Variants in CENPI observed in about 807,000 individuals in gnomAD.
The protein encoded by CENPI is FSH primary response 1.
CENPI carries 4 observed loss-of-function variants against 60.4 expected under a neutral mutation model. That is an observed-to-expected ratio of 0.07 (90% CI 0.03 to 0.15). The LOEUF is 0.15. Among genes scored for constraint, CENPI ranks in the 10% least tolerant of loss-of-function variants. The probability of loss-of-function intolerance (pLI) is 1.00; values close to 1 mark genes in which losing one functional copy is unlikely to be tolerated. For synonymous variants in CENPI, 157 were observed against 189.4 expected, an observed-to-expected ratio of 0.83 and a Z score of 1.40; for missense variants, 444 against 534.5, an observed-to-expected ratio of 0.83 and a Z score of 1.67.
Position 101,130,019 on chromosome X carries a change from A to G in CENPI, c.1233A>G (p.Gly411=). The change falls in exon 13 of 22, where the codon GGA becomes GGG. Residue 411 remains glycine (G), a synonymous_variant. Transcript: ENST00000682095. ...IWYKVNNYEH[G]KEFTNFLDTI... ...ACAAGGTGAATAATTATGAACATGGAAAAGAATTTACCAACTTCCTGGATA... is the reference window on the plus strand; with the variant it reads ...ACAAGGTGAATAATTATGAACATGGGAAAGAATTTACCAACTTCCTGGATA... The G allele has an allele frequency of 1.7e-6, 2 of 1,204,872 alleles. No individual in the cohort carries two copies. Among genetic ancestry groups the G allele is most frequent in the Non-Finnish European group, 2.2e-6 (2 of 889,257 alleles).
Position 101,115,027 on chromosome X carries a change from G to A in CENPI, c.591+5029G>A, listed in dbSNP as rs190897433. Among the ~76,000 whole-genome samples, 12 of 105,559 alleles carry A rather than the reference G, an allele frequency of 1.1e-4. No homozygotes were observed. In the Admixed American group the frequency reaches 1.2e-3, roughly 11 times the overall value. 91.7% of individuals were successfully genotyped at this position (105,559 alleles called of 115,157 possible). ...CACCCAGGCTGGAGTGCAATGACGC[G>A]ATCTCAGCTCACTGCAACGTCCACC... On this transcript the variant is annotated intron_variant, in intron 6 of 21. Coordinates refer to ENST00000682095, the MANE Select transcript of CENPI (RefSeq NM_001386188.2).
intron 18 of CENPI, among the ~76,000 whole-genome samples, chrX:101,147,376 C>T (rs1218842990): frequency 1.8e-5 from 2 of 110,284 alleles, no homozygotes; most frequent in Admixed American, 9.8e-5. Context: ...CAATGCTCTT[C>T]CTCCCCTTGA....
chrX:101,160,715 T>C (rs754982594), intron 20 of CENPI, among the ~76,000 whole-genome samples: 1 of 111,381 alleles, frequency 9.0e-6, no homozygotes, highest in South Asian at 3.8e-4. Flanking sequence ...AAGAAATGCA[T>C]TGTGTATTTC....
At chrX:101,106,385 T>G (rs2089483164) in intron 4 of CENPI, among the ~76,000 whole-genome samples, 1 of 109,860 alleles carries the variant, frequency 9.1e-6, no homozygotes, top group Admixed American at 9.9e-5. Flanking sequence ...GAAATTGAGA[T>G]AGGATATATT....
chrX:101,136,857 G>A (rs1160241890), intron 15 of CENPI, among the ~76,000 whole-genome samples: 1 of 111,897 alleles, frequency 8.9e-6, no homozygotes, highest in Non-Finnish European at 1.9e-5. Flanking sequence ...ACATAATGTT[G>A]TTAATAGTGG....
rs869245080 is a variant in CENPI, at chrX:101,109,075, G to GTTTT, written c.365-378_365-375dup. On this transcript the variant is annotated intron_variant, in intron 4 of 21. Transcript: ENST00000682095. ...CCTTCAATATAACGTGAGGTGTGGT[G>GTTTT]TTTTTTTTTTTTTTTTTTTTTTTGA... Among the ~76,000 whole-genome samples, 63 of 47,305 alleles carry GTTTT rather than the reference G, an allele frequency of 1.3e-3. 1 individual carries two copies. Among genetic ancestry groups the GTTTT allele is most frequent in the Non-Finnish European group, 1.5e-3 (39 of 26,276 alleles). 41.1% of individuals were successfully genotyped at this position (47,305 alleles called of 115,157 possible).
chrX:101,151,695 G>A (rs1021204852), intron 20 of CENPI, among the ~76,000 whole-genome samples: 4 of 109,063 alleles, frequency 3.7e-5, no homozygotes, highest in African/African-American at 6.7e-5. Flanking sequence ...TTAGCCGGGC[G>A]TGGTGGCACG....
At position 101,127,172 on chromosome X, in the gene CENPI, C is replaced by T. The variant is rs781447694; in HGVS notation, c.812C>T (p.Thr271Met). Residue 271 changes from threonine (T) to methionine (M), a missense_variant, in exon 10 of 22, where the codon ACG (threonine) becomes ATG (methionine). Transcript: ENST00000682095. ...YFKNSENLWKTALLAVKQRNR... is the reference protein window; with the variant it reads ...YFKNSENLWKMALLAVKQRNR... The stretch of plus-strand genomic sequence containing the variant: ...AAGAATTCAGAGAATCTATGGAAGA[C>T]GGCTCTGCTTGCCGTGAAGCAAAGA... 2.8e-5 allele frequency: 33 copies of T among 1,187,089 alleles called. No individual in the cohort carries two copies. The Admixed American group carries it at 4.3e-4, about 16-fold the overall frequency.
In CENPI at chrX:101,140,753, A is replaced by G. The variant is rs1309813918; in HGVS notation, c.1558A>G (p.Ser520Gly). Residue 520 changes from serine to glycine, a missense_variant, in exon 16 of 22, where the codon AGT (serine) becomes GGT (glycine). By Grantham distance (56) the Ser-to-Gly change is moderately conservative (BLOSUM62 0). Coordinates refer to ENST00000682095, the MANE Select transcript of CENPI (RefSeq NM_001386188.2). The part of the protein sequence containing the change: ...MDIHMKPVTN[S>G]PLETTLGGSM... ...CATTCACATGAAACCTGTTACAAACAGTCCTCTGTGAGTTATCTAACGGTC... is the reference window on the plus strand; with the variant it reads ...CATTCACATGAAACCTGTTACAAACGGTCCTCTGTGAGTTATCTAACGGTC... 1 of 1,167,795 alleles carries G rather than the reference A, an allele frequency of 8.6e-7. No homozygotes were observed. The highest frequency in any genetic ancestry group is 3.0e-5 in the East Asian group (1 of 33,677).
downstream of CENPI, among the ~76,000 whole-genome samples, chrX:101,169,096 A>T (rs2090151009): frequency 8.9e-6 from 1 of 112,117 alleles, no homozygotes; most frequent in East Asian, 2.8e-4. Flanking sequence ...ATACACATAC[A>T]CCATTTCTAT....
rs1464838243 is a variant in CENPI at position 101,165,281 on chromosome X, G to A, written c.*2314G>A. Among the ~76,000 whole-genome samples the A allele has an allele frequency of 8.9e-6, 1 of 111,908 alleles. No individual in the cohort carries two copies. Among genetic ancestry groups the A allele is most frequent in the African/African-American group, 3.2e-5 (1 of 30,790 alleles). On this transcript the variant is annotated 3_prime_UTR_variant, in exon 22 of 22. Transcript: ENST00000682095. ...AGACTGAAGAAGATTAAAGAGGAAA[G>A]CAGAGACTGGTTAGGTTATTATAGT...
intron 6 of CENPI, among the ~76,000 whole-genome samples, chrX:101,113,250 T>C (rs2089575763): frequency 9.3e-6 from 1 of 107,734 alleles, no homozygotes; most frequent in East Asian, 2.9e-4. Flanking sequence ...TGTTGTCTGG[T>C]TTTAGTTTTA....
intron 20 of CENPI, among the ~76,000 whole-genome samples, chrX:101,153,299 CT>C (rs763357036): frequency 0.21 from 20,497 of 98,572 alleles, 2,281 homozygotes; most frequent in African/African-American, 0.4. Flanking sequence ...ATTTCTTGTT[CT>C]TTTTTTTTTT....
the CENPI span, among the ~76,000 whole-genome samples, chrX:101,171,318 G>A: frequency 6.9e-3 from 768 of 111,717 alleles, 7 homozygotes; most frequent in African/African-American, 0.024. Flanking sequence ...TTTTTAAAAT[G>A]AAAAGACTAT....
rs2089976805 is a variant in CENPI at position 101,148,033 on chromosome X, C to T, written c.1966C>T (p.Pro656Ser). 1 of 1,185,318 alleles carries T rather than the reference C, an allele frequency of 8.4e-7. No homozygotes were observed. The highest frequency in any genetic ancestry group is 1.8e-5 in the African/African-American group (1 of 56,102). The change falls in exon 20 of 22, where the codon CCC becomes TCC. Residue 656 changes from proline to serine, a missense_variant. By Grantham distance (74) the Pro-to-Ser change is moderately conservative (BLOSUM62 -1). Coordinates refer to ENST00000682095, the MANE Select transcript of CENPI (RefSeq NM_001386188.2). ...SMVGCLWTSK[P>S]FGKGIYIDPE... The stretch of plus-strand genomic sequence containing the variant: ...GGTTGGTTGCCTGTGGACGTCCAAA[C>T]CCTTTGGGAAAGGAATATATATTGA...
chrX:101,129,786 C>G (rs1023775409), intron 12 of CENPI, among the ~76,000 whole-genome samples, 196 bp from the exon 13 acceptor site: 4 of 111,829 alleles, frequency 3.6e-5, no homozygotes, highest in Non-Finnish European at 5.6e-5. Flanking sequence ...AAGCTTTTCC[C>G]TATATTACCA....
At chrX:101,143,594 G>T (rs560415615) in intron 16 of CENPI, among the ~76,000 whole-genome samples, 1 of 112,771 alleles carries the variant, frequency 8.9e-6, no homozygotes, top group African/African-American at 3.2e-5. Context: ...GCGATAGCAC[G>T]ATCTTGGCTC....
chrX:101,151,702 C>T (rs1471352182), intron 20 of CENPI, among the ~76,000 whole-genome samples: 1 of 108,899 alleles, frequency 9.2e-6, no homozygotes, highest in Non-Finnish European at 1.9e-5. Context: ...GGCGTGGTGG[C>T]ACGTGCCTGT....
rs776895456 is a variant in CENPI at position 101,163,892 on chromosome X, G to A, written c.*925G>A. ...CTACTAAAAATACAAAAAATTGGCC[G>A]GGCATGCCGGCACGTGCCTGTAGTC... On this transcript the variant is annotated 3_prime_UTR_variant, in exon 22 of 22. Coordinates refer to ENST00000682095, the MANE Select transcript of CENPI (RefSeq NM_001386188.2). Among the ~76,000 whole-genome samples, 97 of 110,743 alleles carry A rather than the reference G, an allele frequency of 8.8e-4. No individual in the cohort carries two copies. Among genetic ancestry groups the A allele is most frequent in the Non-Finnish European group, 1.6e-3 (83 of 52,869 alleles).
Sources: allele counts gnomAD v4.1 joint callset (sites outside exome capture counted in the v4.1 genomes callset), GRCh38; gene constraint gnomAD v4.1.1; transcripts MANE v1.5; gene names NCBI Gene and HGNC (gene_info 2026-07-23, HGNC 2026-07-21).